EYS: variants seen among roughly 807,000 people sequenced by gnomAD.
The protein encoded by EYS is EGF-like photoreceptor maintenance factor.
A neutral mutation model predicts 282.1 loss-of-function variants in EYS; 250 were observed. The ratio of observed to expected loss-of-function variants is 0.89; its 90% confidence interval spans 0.80 to 0.98. The LOEUF is 0.98. EYS is among the 50% of genes least tolerant of loss of function. The pLI, the probability that EYS is intolerant of heterozygous loss-of-function variation, is 0.00. For synonymous variants in EYS, 1,355 were observed against 1,282.9 expected (o/e 1.06, Z -1.20); for missense variants, 4,016 against 3,709.0 (o/e 1.08, Z -2.15).
intron 31 of EYS, among the ~76,000 whole-genome samples, chr6:64,147,469 C>T (rs1449797381): frequency 6.6e-6 from 1 of 152,128 alleles, no homozygotes; most frequent in East Asian, 1.9e-4. Context: ...AGGGAGAATA[C>T]AATAAATATT....
At chr6:64,130,984 C>T (rs1773956292) in intron 31 of EYS, among the ~76,000 whole-genome samples, 2 of 152,186 alleles carry the variant, frequency 1.3e-5, no homozygotes, top group South Asian at 2.1e-4. Context: ...TCTCCTGCCT[C>T]AGCCTCCTGA....
At chr6:65,688,677 G>GA in intron 1 of EYS, among the ~76,000 whole-genome samples, 1 of 152,076 alleles carries the variant, frequency 6.6e-6, no homozygotes, top group East Asian at 1.9e-4. Flanking sequence ...AAATTTACAA[G>GA]AAAAAAACAA....
intron 12 of EYS, among the ~76,000 whole-genome samples, chr6:65,206,294 T>C (rs549477375): frequency 6.6e-6 from 1 of 151,628 alleles, no homozygotes; most frequent in East Asian, 1.9e-4. Flanking sequence ...ACTTAAAGGA[T>C]GTAAATAATT....
chr6:64,572,718 T>C (rs1468376358), intron 26 of EYS, among the ~76,000 whole-genome samples: 2 of 152,102 alleles, frequency 1.3e-5, no homozygotes, highest in Non-Finnish European at 2.9e-5. Context: ...TTACAAGGTA[T>C]GTGAAGGACC....
chr6:65,231,114 T>TTTATATATATATACTTTTATATATA (rs1244082788), intron 12 of EYS, among the ~76,000 whole-genome samples: 5 of 107,140 alleles, frequency 4.7e-5, no homozygotes, highest in Non-Finnish European at 1.0e-4. Context: ...TATATATGTA[T>TTTATATATATATACTTTTATATATA]TTATATATAT....
intron 2 of EYS, among the ~76,000 whole-genome samples, chr6:65,606,461 A>T (rs77896273): frequency 0.016 from 2,369 of 151,902 alleles, 60 homozygotes; most frequent in African/African-American, 0.054. Context: ...TTTGAAAAGG[A>T]TTATAAATAA....
At position 64,293,234 on chromosome 6, in the gene EYS, T is replaced by G. The variant is rs970533083; in HGVS notation, c.6191+13736A>C. ...AAGAGTAGCCAAATACATGTATGTG[T>G]ACAAACATTTAAAATGAATGTTTGC... On this transcript the variant is annotated intron_variant, in intron 30 of 42. Coordinates refer to ENST00000503581, the MANE Select transcript of EYS (RefSeq NM_001142800.2). 6.6e-5 allele frequency among the ~76,000 whole-genome samples: 10 copies of G among 152,238 alleles called. No individual in the cohort carries two copies. The East Asian group carries it at 1.9e-3, about 29-fold the overall frequency.
Position 63,806,237 on chromosome 6 carries a change from G to A in EYS, c.7364C>T (p.Ser2455Leu). The A allele has an allele frequency of 1.9e-6, 3 of 1,551,582 alleles. No individual in the cohort carries two copies. The highest frequency in any genetic ancestry group is 2.6e-6 in the Non-Finnish European group (3 of 1,146,920). The change falls in exon 37 of 43, where the codon TCA (serine) becomes TTA (leucine). Residue 2455 changes from serine (S) to leucine (L), a missense_variant. By Grantham distance (145) the Ser-to-Leu change is moderately radical. Coordinates refer to ENST00000503581, the MANE Select transcript of EYS (RefSeq NM_001142800.2). ...AAATATCAAGTTATTTTGCAGTGCT[G>A]AGTGGTTGTTTGCCAGCTGAAACTT... ...HLKFQLANNH[S>L]ALQNNLIFFT...
At chr6:64,603,842 T>C (rs1192303642) in intron 24 of EYS, among the ~76,000 whole-genome samples, 2 of 149,284 alleles carry the variant, frequency 1.3e-5, no homozygotes, top group East Asian at 4.0e-4. Flanking sequence ...CTGTGTATAC[T>C]ACTAAAGTAA....
At chr6:64,010,670 G>C (rs190688130) in intron 33 of EYS, among the ~76,000 whole-genome samples, 5 of 151,650 alleles carry the variant, frequency 3.3e-5, no homozygotes, top group African/African-American at 1.2e-4. Flanking sequence ...CTCTCTTTTT[G>C]TGTACTCCCA....
chr6:64,052,963 G>A (rs938933025), intron 33 of EYS, among the ~76,000 whole-genome samples: 5 of 152,080 alleles, frequency 3.3e-5, no homozygotes, highest in Admixed American at 6.6e-5. Context: ...TCACAGCAGC[G>A]TGAGAACAGA....
At chr6:65,424,858 T>G (rs1003197923) in intron 5 of EYS, among the ~76,000 whole-genome samples, 3 of 152,020 alleles carry the variant, frequency 2.0e-5, no homozygotes, top group African/African-American at 4.8e-5. Context: ...TTCTCTGCAT[T>G]CCAACCTCAA....
At chr6:64,089,105 G>C (rs185298886) in intron 31 of EYS, among the ~76,000 whole-genome samples, 1 of 151,720 alleles carries the variant, frequency 6.6e-6, no homozygotes, top group Non-Finnish European at 1.5e-5. Context: ...AAAGGACATC[G>C]TACAAACTCT....
chr6:64,139,279 T>C (rs1490818650), intron 31 of EYS, among the ~76,000 whole-genome samples: 1 of 152,104 alleles, frequency 6.6e-6, no homozygotes, highest in African/African-American at 2.4e-5. Flanking sequence ...AAAGAAACTT[T>C]GGCAACTGGG....
chr6:64,965,401 A>G (rs1387245927), intron 14 of EYS, among the ~76,000 whole-genome samples: 1 of 151,900 alleles, frequency 6.6e-6, no homozygotes, highest in African/African-American at 2.4e-5. Flanking sequence ...TGTTATTACA[A>G]TGTAAATGTA....
intron 26 of EYS, among the ~76,000 whole-genome samples, chr6:64,446,635 T>C (rs1775126277): frequency 6.6e-6 from 1 of 152,062 alleles, no homozygotes; most frequent in Non-Finnish European, 1.5e-5. Flanking sequence ...TTTTTATAGT[T>C]AGTGTTTCTA....
chr6:64,015,629 A>G (rs990866520), intron 33 of EYS, among the ~76,000 whole-genome samples: 14 of 152,204 alleles, frequency 9.2e-5, no homozygotes, highest in African/African-American at 3.4e-4. Context: ...TCGAATGCCT[A>G]TTATATAAGA....
intron 31 of EYS, among the ~76,000 whole-genome samples, chr6:64,117,411 T>A (rs1773425269): frequency 7.1e-6 from 1 of 140,908 alleles, no homozygotes; most frequent in African/African-American, 2.6e-5. Flanking sequence ...AACAAAAAGA[T>A]CAATGAAACT....
intron 2 of EYS, among the ~76,000 whole-genome samples, chr6:65,575,600 G>T (rs1048402651): frequency 1.3e-5 from 2 of 151,314 alleles, no homozygotes; most frequent in African/African-American, 4.8e-5. Flanking sequence ...GACTACAGTA[G>T]AAATAAATAA....
Sources: gnomAD v4.1 joint callset for allele counts (sites outside exome capture counted in the v4.1 genomes callset) on GRCh38, gnomAD v4.1.1 for gene constraint, MANE v1.5 for transcripts, NCBI Gene and HGNC (gene_info 2026-07-23, HGNC 2026-07-21) for gene names.